SCHIP1: variants seen among roughly 807,000 people sequenced by gnomAD.
SCHIP1 encodes schwannomin interacting protein 1, also known as schwannomin-interacting protein 1.
In SCHIP1, 8 loss-of-function variants were observed where a neutral mutation model predicts 29.7. The ratio of observed to expected loss-of-function variants is 0.27; its 90% CI spans 0.16 to 0.49. The LOEUF is 0.49. SCHIP1 is among the 20% of genes least tolerant of loss of function. SCHIP1 has a pLI of 0.99. For synonymous variants in SCHIP1, 76 were observed against 94.9 expected (o/e 0.80, Z 1.16); for missense variants, 193 against 294.6 (o/e 0.66, Z 2.52).
chr3:159,277,012 G>A, the SCHIP1 span, among the ~76,000 whole-genome samples: 2 of 152,086 alleles, frequency 1.3e-5, no homozygotes, highest in Admixed American at 1.3e-4. Context: ...ACATCACACA[G>A]TGCCTGATTC....
the SCHIP1 span, among the ~76,000 whole-genome samples, chr3:159,393,159 T>G: frequency 1.1e-4 from 17 of 152,192 alleles, no homozygotes; most frequent in Non-Finnish European, 4.4e-5. Flanking sequence ...TTGATGGGGT[T>G]GTTTGTTTTT....
chr3:159,313,585 G>T, the SCHIP1 span, among the ~76,000 whole-genome samples: 1 of 152,198 alleles, frequency 6.6e-6, no homozygotes, highest in Non-Finnish European at 1.5e-5. Flanking sequence ...GAGAGTTTCT[G>T]TATACCCTGC....
chr3:159,678,113 ATCTG>A, the SCHIP1 span, among the ~76,000 whole-genome samples: 2 of 152,228 alleles, frequency 1.3e-5, no homozygotes, highest in Non-Finnish European at 2.9e-5. Context: ...AATAAATCTT[ATCTG>A]TCTGTTGTGT....
the SCHIP1 span, among the ~76,000 whole-genome samples, chr3:159,597,487 A>G: frequency 2.5e-4 from 38 of 152,214 alleles, 2 homozygotes; most frequent in African/African-American, 8.9e-4. Context: ...CCTACATGTG[A>G]TCAAGTTTTT....
the SCHIP1 span, among the ~76,000 whole-genome samples, chr3:159,522,663 G>A: frequency 6.6e-6 from 1 of 152,168 alleles, no homozygotes; most frequent in African/African-American, 2.4e-5. Context: ...ATGGTCAAGA[G>A]ATTGAGACCA....
chr3:159,287,334 C>CA, the SCHIP1 span, among the ~76,000 whole-genome samples: 24,348 of 151,346 alleles, frequency 0.16, 2,285 homozygotes, highest in Middle Eastern at 0.27. Flanking sequence ...TTGAGACAGA[C>CA]AAAAAATCTT....
chr3:159,676,028 G>A, the SCHIP1 span, among the ~76,000 whole-genome samples: 1 of 152,272 alleles, frequency 6.6e-6, no homozygotes, highest in South Asian at 2.1e-4. Context: ...CTACTCAGGA[G>A]GCTGAAGCAG....
chr3:159,864,284 G>A (rs983294682), intron 1 of SCHIP1, among the ~76,000 whole-genome samples: 4 of 152,082 alleles, frequency 2.6e-5, no homozygotes, highest in African/African-American at 9.7e-5. Context: ...GTTCCAAGCA[G>A]TACAGTTGCA....
At chr3:159,622,843 G>A in the SCHIP1 span, among the ~76,000 whole-genome samples, 10 of 152,220 alleles carry the variant, frequency 6.6e-5, no homozygotes, top group South Asian at 2.1e-4. Flanking sequence ...GCATAAACCC[G>A]GGAGGCGGAG....
At chr3:159,396,613 G>C in the SCHIP1 span, among the ~76,000 whole-genome samples, 1 of 151,898 alleles carries the variant, frequency 6.6e-6, no homozygotes, top group Non-Finnish European at 1.5e-5. Context: ...ATTCTGGGTT[G>C]AAAATTCTTT....
At chr3:159,298,815 A>G in the SCHIP1 span, among the ~76,000 whole-genome samples, 19 of 152,358 alleles carry the variant, frequency 1.2e-4, no homozygotes, top group African/African-American at 4.1e-4. Flanking sequence ...AAAAAAAATC[A>G]AATTTTTTAA....
chr3:159,542,911 AG>A, the SCHIP1 span, among the ~76,000 whole-genome samples: 1 of 152,066 alleles, frequency 6.6e-6, no homozygotes, highest in African/African-American at 2.4e-5. Flanking sequence ...AATTAATAAA[AG>A]CAATGGACCC....
chr3:159,878,634 C>G (rs1447665353), intron 2 of SCHIP1, among the ~76,000 whole-genome samples: 8 of 146,788 alleles, frequency 5.5e-5, no homozygotes, highest in Admixed American at 1.4e-4. Flanking sequence ...AAAAATTAGC[C>G]GGGCGTAGTG....
chr3:159,645,915 T>A, the SCHIP1 span, among the ~76,000 whole-genome samples: 2 of 152,166 alleles, frequency 1.3e-5, no homozygotes, highest in East Asian at 3.8e-4. Flanking sequence ...TCAATTTTGA[T>A]ACCATTGTGT....
At chr3:159,410,413 G>A in the SCHIP1 span, among the ~76,000 whole-genome samples, 2 of 151,882 alleles carry the variant, frequency 1.3e-5, no homozygotes, top group African/African-American at 4.8e-5. Context: ...TATATAAGGA[G>A]CTCAAGCAAC....
the SCHIP1 span, among the ~76,000 whole-genome samples, chr3:159,769,409 G>A: frequency 0.14 from 20,771 of 152,186 alleles, 1,648 homozygotes; most frequent in Middle Eastern, 0.29. Context: ...TGTCTAGCCT[G>A]TTCCCTGTCT....
At chr3:159,468,030 G>A in the SCHIP1 span, among the ~76,000 whole-genome samples, 610 of 152,052 alleles carry the variant, frequency 4.0e-3, 7 homozygotes, top group African/African-American at 0.014. Flanking sequence ...TTCCAAGTGC[G>A]GCTTCTTGAT....
At chr3:159,682,199 T>C in the SCHIP1 span, among the ~76,000 whole-genome samples, 1 of 152,234 alleles carries the variant, frequency 6.6e-6, no homozygotes, top group Non-Finnish European at 1.5e-5. Context: ...TGAGATAACA[T>C]ATTTAGAAGG....
chr3:159,557,448 A>G, the SCHIP1 span, among the ~76,000 whole-genome samples: 3 of 152,208 alleles, frequency 2.0e-5, no homozygotes, highest in Non-Finnish European at 2.9e-5. Context: ...CTAGGAAAAA[A>G]TGGAATAGTC....
Sources: gnomAD v4.1 joint callset for allele counts (sites outside exome capture counted in the v4.1 genomes callset) on GRCh38, gnomAD v4.1.1 for gene constraint, MANE v1.5 for transcripts, NCBI Gene and HGNC (gene_info 2026-07-23, HGNC 2026-07-21) for gene names.